The following TTBK1 variants were observed in gnomAD, a reference collection of about 807,000 sequenced individuals.
TTBK1 encodes the protein tau tubulin kinase 1.
Under a neutral mutation model 108.5 loss-of-function variants are expected in TTBK1, and 34 were observed. The observed-to-expected ratio is 0.31, with a 90% CI of 0.24 to 0.42. TTBK1 has a LOEUF of 0.42. Among genes scored for constraint, TTBK1 ranks in the 10% least tolerant of loss-of-function variants. The probability of loss-of-function intolerance (pLI) is 1.00; values close to 1 mark genes in which losing one functional copy is unlikely to be tolerated. For missense variants in TTBK1, 1,539 were observed against 1,826.0 expected (o/e 0.84, Z 2.86); for synonymous variants, 809 against 795.1 (o/e 1.02, Z -0.29).
intron 13 of TTBK1, chr6:43,270,100 C>G (rs940594541): frequency 7.1e-7 from 1 of 1,401,640 alleles, no homozygotes; most frequent in Non-Finnish European, 9.2e-7. Context: ...AACGTTGGCC[C>G]AAGGTACTGT....
chr6:43,259,698 T>C lies in TTBK1; in HGVS notation c.1416T>C (p.Pro472=). 1 of 1,584,760 alleles carries C rather than the reference T, an allele frequency of 6.3e-7. No individual in the cohort carries two copies. Among genetic ancestry groups the C allele is most frequent in the Non-Finnish European group, 8.6e-7 (1 of 1,166,432 alleles). Residue 472 remains proline, a synonymous_variant, in exon 12 of 15, where the codon CCT becomes CCC. Coordinates refer to ENST00000259750, the MANE Select transcript of TTBK1 (RefSeq NM_032538.3). The surrounding 1 kb of genome is among the most constrained non-coding windows in gnomAD (Gnocchi z 6.7). The part of the protein sequence containing the change: ...LSTADGRVEL[P]ERRSRMDLPG... Reference sequence around the variant, plus strand: ...CGGCGGACGGGCGAGTGGAGCTACCTGAGAGGAGGTGGGTCTGGGGCCAGG... The same window carrying C: ...CGGCGGACGGGCGAGTGGAGCTACCCGAGAGGAGGTGGGTCTGGGGCCAGG...
intron 7 of TTBK1, 141 bp downstream of exon 7, chr6:43,255,255 A>C (rs1032749441): frequency 2.5e-6 from 2 of 813,382 alleles, no homozygotes; most frequent in Non-Finnish European, 4.1e-6. Flanking sequence ...GGCTGGAGGA[A>C]GGCCCCTCTG....
chr6:43,253,618 G>A lies in TTBK1; in HGVS notation c.381G>A (p.Thr127=), dbSNP rs747263255. 7 of 1,613,528 alleles carry A rather than the reference G, an allele frequency of 4.3e-6. No homozygotes were observed. Among genetic ancestry groups the A allele is most frequent in the East Asian group, 2.2e-5 (1 of 44,870 alleles). ...GTAGCCAGCCGCGAGGCACCTTCACGCTGAGCACCACATTGCGGCTGGGCA... is the reference window on the plus strand; with the variant it reads ...GTAGCCAGCCGCGAGGCACCTTCACACTGAGCACCACATTGCGGCTGGGCA... ...LRRSQPRGTF[T]LSTTLRLGKQ... is the part of the protein sequence containing the mutation. Residue 127 remains threonine, a synonymous_variant, in exon 5 of 15, where the codon ACG becomes ACA. Transcript: ENST00000259750. The surrounding 1 kb of genome is among the most constrained non-coding windows in gnomAD (Gnocchi z 5.8).
chr6:43,259,413 C>T lies in TTBK1; in HGVS notation c.1249-118C>T. 9.0e-6 allele frequency: 12 copies of T among 1,328,050 alleles called. No individual in the cohort carries two copies. Among genetic ancestry groups the T allele is most frequent in the Admixed American group, 5.5e-5 (2 of 36,672 alleles). The allele number at this position is 1,328,050 out of a possible 1,614,324, so 82.3% of individuals were successfully genotyped here. On this transcript the variant is annotated intron_variant, in intron 11 of 14. Transcript: ENST00000259750. The surrounding 1 kb of genome is among the most constrained non-coding windows in gnomAD (Gnocchi z 6.7). Reference sequence around the variant, plus strand: ...CTGCCTCTGTTTCCCGGTCCCTCCCCGCACTAGCCTCGCTGTGTCTTCCAT... The same window carrying T: ...CTGCCTCTGTTTCCCGGTCCCTCCCTGCACTAGCCTCGCTGTGTCTTCCAT...
At chr6:43,261,474 C>A (rs898756277) in intron 12 of TTBK1, among the ~76,000 whole-genome samples, 4 of 152,144 alleles carry the variant, frequency 2.6e-5, no homozygotes, top group African/African-American at 9.7e-5. Flanking sequence ...GCTGGCATGA[C>A]CCCAAGTTGA....
chr6:43,285,577 C>T lies in TTBK1; in HGVS notation c.*201C>T, dbSNP rs1216842260. ...CCTTAGGGCCCGTGGGGGACGCGGC[C>T]CCGCGCCGCGGGGAGGGTCTGCCTC... On this transcript the variant is annotated 3_prime_UTR_variant, in exon 15 of 15. Transcript: ENST00000259750. This position sits in a 1 kb window ranked among gnomAD's most constrained non-coding sequence, Gnocchi z 4.7. The T allele has an allele frequency of 5.1e-6, 3 of 582,818 alleles. No homozygotes were observed. Among genetic ancestry groups the T allele is most frequent in the Admixed American group, 4.7e-5 (1 of 21,320 alleles). 36.1% of individuals were successfully genotyped at this position (582,818 alleles called of 1,614,324 possible). A position where few individuals can be genotyped will look rare whatever the true frequency, so the allele number is the denominator to read the frequency against.
chr6:43,264,762 G>C (rs1777633092), intron 13 of TTBK1, among the ~76,000 whole-genome samples: 1 of 152,172 alleles, frequency 6.6e-6, no homozygotes, highest in African/African-American at 2.4e-5. Context: ...GCTTCATGGA[G>C]GAGGTGAGCT....
In TTBK1 at chr6:43,253,540, T is replaced by C. The variant is rs1400762217; in HGVS notation, c.331-28T>C. 2 of 1,592,378 alleles carry C rather than the reference T, an allele frequency of 1.3e-6. No individual in the cohort carries two copies. Among genetic ancestry groups the C allele is most frequent in the South Asian group, 2.3e-5 (2 of 88,332 alleles). The stretch of plus-strand genomic sequence containing the variant: ...GTCTGGGATGATGGCTGAGGGTGAG[T>C]CTACCCCCCACCTCCACCCCCATGC... On this transcript the variant is annotated intron_variant, in intron 4 of 14. Coordinates refer to ENST00000259750, the MANE Select transcript of TTBK1 (RefSeq NM_032538.3). The surrounding 1 kb of genome is among the most constrained non-coding windows in gnomAD (Gnocchi z 5.8).
intron 13 of TTBK1, chr6:43,270,329 T>C: frequency 9.6e-7 from 1 of 1,044,210 alleles, no homozygotes; most frequent in Non-Finnish European, 1.1e-6. Context: ...GTATGGGCTT[T>C]GTTCTGTTTA....
chr6:43,261,519 G>A (rs1271076083), intron 12 of TTBK1, among the ~76,000 whole-genome samples: 1 of 152,172 alleles, frequency 6.6e-6, no homozygotes, highest in Non-Finnish European at 1.5e-5. Flanking sequence ...TCACAGCACA[G>A]TTCAATATAA....
Position 43,243,880 on chromosome 6 carries a change from G to A in TTBK1, c.-55+172G>A, listed in dbSNP as rs1156873483. Among the ~76,000 whole-genome samples the A allele has an allele frequency of 6.6e-6, 1 of 152,116 alleles. No individual in the cohort carries two copies. The highest frequency in any genetic ancestry group is 1.5e-5 in the Non-Finnish European group (1 of 67,982). On this transcript the variant is annotated intron_variant, in intron 1 of 14. Transcript: ENST00000259750. This position sits in a 1 kb window ranked among gnomAD's most constrained non-coding sequence, Gnocchi z 5.5. Reference sequence around the variant, plus strand: ...ACCGCCTGGGCCGCGCCGAGGCCTGGAGCCGCTCCCTGTCCCCAGCACACA... The same window carrying A: ...ACCGCCTGGGCCGCGCCGAGGCCTGAAGCCGCTCCCTGTCCCCAGCACACA...
rs1425269172 is a variant in TTBK1 at position 43,285,053 on chromosome 6, G to A, written c.3643G>A (p.Gly1215Ser). Residue 1215 changes from glycine (G) to serine (S), a missense_variant, in exon 15 of 15, where the codon GGC (glycine) becomes AGC (serine). Physicochemically the swap from Gly to Ser is moderately conservative, Grantham distance 56. Around this residue, in one of 5 missense-constraint regions of TTBK1, gnomAD observed 1,055 missense variants for 1,086.5 expected, o/e 0.97. Transcript: ENST00000259750. The surrounding 1 kb of genome is among the most constrained non-coding windows in gnomAD (Gnocchi z 4.7). ...DLRPKQPPGR[G>S]LGPGRAQAGA... is the part of the protein sequence containing the mutation. Reference sequence around the variant, plus strand: ...CCGCCCCAAACAACCTCCTGGCCGCGGCCTGGGCCCAGGGCGAGCCCAAGC... The same window carrying A: ...CCGCCCCAAACAACCTCCTGGCCGCAGCCTGGGCCCAGGGCGAGCCCAAGC... The A allele has an allele frequency of 3.3e-6, 5 of 1,510,478 alleles. No homozygotes were observed. Among genetic ancestry groups the A allele is most frequent in the East Asian group, 2.7e-5 (1 of 36,508 alleles). The allele number at this position is 1,510,478 out of a possible 1,614,324, so 93.6% of individuals were successfully genotyped here. A position where few individuals can be genotyped will look rare whatever the true frequency, so the allele number is the denominator to read the frequency against.
chr6:43,270,272 AAG>A (rs1777792811), intron 13 of TTBK1: 10 of 1,128,508 alleles, frequency 8.9e-6, no homozygotes, highest in African/African-American at 3.3e-5. Flanking sequence ...GTCCAGTGGA[AAG>A]AGAGGTGTCA....
At chr6:43,254,447 T>G (rs1285245036) in intron 5 of TTBK1, 100 bp from the exon 6 acceptor site, 2 of 783,882 alleles carry the variant, frequency 2.6e-6, no homozygotes, top group South Asian at 2.0e-5. Context: ...AATGTGGGGC[T>G]GAAAGCCCTT....
chr6:43,274,653 C>T (rs1260471681), intron 13 of TTBK1, among the ~76,000 whole-genome samples: 1 of 151,640 alleles, frequency 6.6e-6, no homozygotes, highest in Non-Finnish European at 1.5e-5. Flanking sequence ...CACCCTACCC[C>T]AAACTCCACT....
chr6:43,270,658 T>C, intron 13 of TTBK1: 1 of 985,380 alleles, frequency 1.0e-6, no homozygotes, highest in Non-Finnish European at 1.2e-6. Context: ...CCAAGACACC[T>C]GTGCCATCAC....
At chr6:43,256,919 G>A (rs566574870) in intron 9 of TTBK1, among the ~76,000 whole-genome samples, 6 of 152,252 alleles carry the variant, frequency 3.9e-5, no homozygotes, top group African/African-American at 1.4e-4. Context: ...CGAGTCCAGG[G>A]CTCTTTCCAA....
chr6:43,279,758 T>TG (rs1554187592), intron 13 of TTBK1, among the ~76,000 whole-genome samples: 2 of 150,886 alleles, frequency 1.3e-5, no homozygotes, highest in Non-Finnish European at 2.9e-5. Flanking sequence ...GACAAAGTTT[T>TG]TTGTTGTTGT....
In TTBK1 at chr6:43,263,744, C is replaced by G. The variant is rs1323467679; in HGVS notation, c.1986+394C>G. ...TGCCACGGAGGGACTTGGGGCTATA[C>G]TAAGGGGCCAGGACTTGATGCTGCA... On this transcript the variant is annotated intron_variant, in intron 13 of 14. Coordinates refer to ENST00000259750, the MANE Select transcript of TTBK1 (RefSeq NM_032538.3). The surrounding 1 kb of genome is among the most constrained non-coding windows in gnomAD (Gnocchi z 4.7). Among the ~76,000 whole-genome samples, 2 of 152,208 alleles carry G rather than the reference C, an allele frequency of 1.3e-5. No individual in the cohort carries two copies.
Sources: gnomAD v4.1 joint callset for allele counts (sites outside exome capture counted in the v4.1 genomes callset) on GRCh38, gnomAD v4.1.1 for gene constraint, gnomAD v4.1.1 regional missense constraint, Gnocchi (gnomAD v3.1) non-coding constraint, MANE v1.5 for transcripts, NCBI Gene and HGNC (gene_info 2026-07-23, HGNC 2026-07-21) for gene names.